The following NOL4 variants were observed in gnomAD, a reference collection of about 807,000 sequenced individuals.
NOL4 encodes nucleolar protein 4.
NOL4 carries 17 observed loss-of-function variants against 75.9 expected under a neutral mutation model. The ratio of observed to expected loss-of-function variants is 0.22; its 90% CI spans 0.15 to 0.34. The LOEUF is 0.34. NOL4 is among the 10% of genes least tolerant of loss of function. The pLI is 1.00. For synonymous variants in NOL4, 292 were observed against 289.9 expected, an observed-to-expected ratio of 1.01 and a Z score of -0.07; for missense variants, 614 against 793.5, an observed-to-expected ratio of 0.77 and a Z score of 2.72.
chr18:34,055,762 G>A (rs763448327), intron 5 of NOL4, among the ~76,000 whole-genome samples: 8 of 151,640 alleles, frequency 5.3e-5, no homozygotes, highest in African/African-American at 9.7e-5. Context: ...CTGATTGATG[G>A]TACCCCATAA....
chr18:34,156,553 C>T (rs890527367), intron 1 of NOL4: 1 of 152,098 alleles, frequency 6.6e-6, no homozygotes, highest in Non-Finnish European at 1.5e-5. Flanking sequence ...ATGTGGAAAG[C>T]TCCATATGGC....
intron 1 of NOL4, among the ~76,000 whole-genome samples, chr18:34,187,034 C>A (rs2034513479): frequency 6.6e-6 from 1 of 152,146 alleles, no homozygotes; most frequent in African/African-American, 2.4e-5. Flanking sequence ...CCTTGGCAAT[C>A]ATTATCACCC....
At chr18:33,923,533 C>G (rs908323066) in intron 9 of NOL4, among the ~76,000 whole-genome samples, 3 of 151,954 alleles carry the variant, frequency 2.0e-5, no homozygotes, top group Non-Finnish European at 4.4e-5. Flanking sequence ...TGACAAAGCA[C>G]TTCCACATTT....
intron 5 of NOL4, among the ~76,000 whole-genome samples, chr18:34,090,367 T>C (rs1361230217): frequency 6.6e-6 from 1 of 152,076 alleles, no homozygotes; most frequent in East Asian, 1.9e-4. Flanking sequence ...CAGCTAATAA[T>C]TGAGAAAAAT....
chr18:34,164,452 CA>C (rs1193640422), intron 1 of NOL4, among the ~76,000 whole-genome samples: 1 of 152,162 alleles, frequency 6.6e-6, no homozygotes, highest in Non-Finnish European at 1.5e-5. Flanking sequence ...AGACACTTCT[CA>C]AAAGAAGACA....
chr18:34,023,373 G>T, intron 5 of NOL4: 1 of 452,524 alleles, frequency 2.2e-6, no homozygotes, highest in Non-Finnish European at 4.5e-6. Flanking sequence ...TTAAAATCGC[G>T]GATCTCAGAC....
intron 9 of NOL4, among the ~76,000 whole-genome samples, chr18:33,900,570 G>A (rs574697194): frequency 4.6e-5 from 7 of 152,184 alleles, no homozygotes; most frequent in Admixed American, 3.3e-4. Context: ...AGTTCAGCAA[G>A]TTCTAGCTAA....
intron 5 of NOL4, among the ~76,000 whole-genome samples, chr18:34,045,295 T>C (rs1308905852): frequency 6.6e-6 from 1 of 152,182 alleles, no homozygotes; most frequent in East Asian, 1.9e-4. Context: ...TTCTTTCCCA[T>C]TTATTTTCTA....
chr18:33,856,946 G>A (rs1278326047), intron 10 of NOL4, among the ~76,000 whole-genome samples: 3 of 151,868 alleles, frequency 2.0e-5, no homozygotes, highest in African/African-American at 7.2e-5. Flanking sequence ...AACTGCAAAT[G>A]TTCATCTATT....
intron 1 of NOL4, among the ~76,000 whole-genome samples, chr18:34,136,698 A>T (rs2080906823): frequency 6.6e-6 from 1 of 152,196 alleles, no homozygotes; most frequent in Non-Finnish European, 1.5e-5. Flanking sequence ...TGAGCTAAAT[A>T]AACTGAAATA....
chr18:34,153,544 C>T (rs1451492337), intron 1 of NOL4, among the ~76,000 whole-genome samples: 2 of 151,890 alleles, frequency 1.3e-5, no homozygotes, highest in Non-Finnish European at 2.9e-5. Flanking sequence ...TGAATACATT[C>T]CCCATGGTCA....
intron 9 of NOL4, among the ~76,000 whole-genome samples, chr18:33,934,707 T>A (rs2067936727): frequency 6.6e-6 from 1 of 152,096 alleles, no homozygotes; most frequent in African/African-American, 2.4e-5. Flanking sequence ...TTACTCTTCA[T>A]AGAATTGAAG....
chr18:34,035,517 G>T (rs1437981386), intron 5 of NOL4, among the ~76,000 whole-genome samples: 2 of 151,704 alleles, frequency 1.3e-5, no homozygotes, highest in African/African-American at 4.8e-5. Context: ...AAAGTAGAAA[G>T]ATTTCAAATA....
At chr18:33,974,695 T>C (rs531287014) in intron 6 of NOL4, among the ~76,000 whole-genome samples, 3 of 152,094 alleles carry the variant, frequency 2.0e-5, no homozygotes, top group South Asian at 2.1e-4. Flanking sequence ...AGGGAGCACA[T>C]GCTATTAGAA....
At position 34,046,607 on chromosome 18, in the gene NOL4, C is replaced by CATATATATATATATATATATATATATAT. The variant is rs35281852; in HGVS notation, c.773-27034_773-27007dup. ...TTTTAAAATTTACTATTTACTTATA[C>CATATATATATATATATATATATATATAT]ATATATATATATATATATATATATA... On this transcript the variant is annotated intron_variant, in intron 5 of 10. Coordinates refer to ENST00000261592, the MANE Select transcript of NOL4 (RefSeq NM_003787.5). Among the ~76,000 whole-genome samples, 107 of 81,620 alleles carry CATATATATATATATATATATATATATAT rather than the reference C, an allele frequency of 1.3e-3. 8 individuals carry two copies. Among genetic ancestry groups the CATATATATATATATATATATATATATAT allele is most frequent in the Non-Finnish European group, 1.6e-3 (68 of 41,368 alleles). The allele number at this position is 81,620 out of a possible 152,430, so 53.5% of individuals were successfully genotyped here.
intron 1 of NOL4, among the ~76,000 whole-genome samples, chr18:34,206,950 TG>T (rs1383466987): frequency 6.6e-6 from 1 of 152,086 alleles, no homozygotes; most frequent in East Asian, 1.9e-4. Context: ...ATTGAGTCCA[TG>T]AATTTTAAAT....
intron 10 of NOL4, among the ~76,000 whole-genome samples, chr18:33,864,459 GT>G (rs1444966098): frequency 6.6e-6 from 1 of 152,106 alleles, no homozygotes; most frequent in African/African-American, 2.4e-5. Context: ...CTTTGCTCCA[GT>G]TCCCAAGAAG....
chr18:33,876,968 C>T (rs1325297833), intron 10 of NOL4, among the ~76,000 whole-genome samples: 1 of 152,014 alleles, frequency 6.6e-6, no homozygotes, highest in Non-Finnish European at 1.5e-5. Flanking sequence ...TAGACAAATT[C>T]TCTTTGGTTT....
chr18:34,100,040 CTT>C (rs34923263), intron 4 of NOL4, among the ~76,000 whole-genome samples: 4,925 of 143,900 alleles, frequency 0.034, 123 homozygotes, highest in African/African-American at 0.071. Flanking sequence ...CTTAGTCTTG[CTT>C]TTTTTTTTTT....
Sources: allele counts gnomAD v4.1 joint callset (sites outside exome capture counted in the v4.1 genomes callset), GRCh38; gene constraint gnomAD v4.1.1; transcripts MANE v1.5; gene names NCBI Gene and HGNC (gene_info 2026-07-23, HGNC 2026-07-21).